The following SCN2A variants were observed in gnomAD, a reference collection of about 807,000 sequenced individuals.
SCN2A encodes the protein sodium voltage-gated channel alpha subunit 2.
A neutral mutation model predicts 188.7 loss-of-function variants in SCN2A; 20 were observed. The observed-to-expected ratio is 0.11, with a 90% CI of 0.07 to 0.15. SCN2A has a LOEUF of 0.15. SCN2A is among the 10% of genes least tolerant of loss of function. SCN2A has a pLI of 1.00. For missense variants in SCN2A, 1,278 were observed against 2,445.0 expected, an observed-to-expected ratio of 0.52 and a Z score of 10.07; for synonymous variants, 804 against 833.1, an observed-to-expected ratio of 0.97 and a Z score of 0.60.
intron 1 of SCN2A, among the ~76,000 whole-genome samples, chr2:165,249,908 T>C (rs1292905750): frequency 6.6e-6 from 1 of 151,972 alleles, no homozygotes; most frequent in African/African-American, 2.4e-5. Context: ...CCTCCATAGA[T>C]TCCAGGATTT....
At chr2:165,296,332 G>A in intron 2 of SCN2A, 2 of 539,268 alleles carry the variant, frequency 3.7e-6, no homozygotes, top group Non-Finnish European at 6.7e-6. Flanking sequence ...GGGAATTAAG[G>A]AAGGACAAAA....
At chr2:165,254,066 A>T (rs1479669273) in intron 1 of SCN2A, among the ~76,000 whole-genome samples, 1 of 151,880 alleles carries the variant, frequency 6.6e-6, no homozygotes, top group East Asian at 1.9e-4. Context: ...CATTTACATC[A>T]ATATCCTTAG....
At chr2:165,363,922 A>C (rs1279171378) in intron 17 of SCN2A, among the ~76,000 whole-genome samples, 1 of 152,158 alleles carries the variant, frequency 6.6e-6, no homozygotes, top group African/African-American at 2.4e-5. Flanking sequence ...TATATCATAC[A>C]TCAATATTTT....
chr2:165,331,544 C>G lies in SCN2A; in HGVS notation c.2364C>G (p.Ser788Arg). Residue 788 changes from serine (S) to arginine (R), a missense_variant, in exon 14 of 27, where the codon AGC (serine) becomes AGG (arginine). By Grantham distance (110) the Ser-to-Arg change is moderately radical. Transcript: ENST00000375437. Reference protein sequence around the residue: ...MEHYPMTEQFSSVLSVGNLVF... With the variant: ...MEHYPMTEQFRSVLSVGNLVF... ...ACTATCCCATGACGGAGCAGTTCAG[C>G]AGTGTACTGTCTGTTGGAAACCTGG... is the stretch of plus-strand genomic sequence containing the variant. 6.2e-7 allele frequency: 1 copy of G among 1,613,322 alleles called. No individual in the cohort carries two copies. Among genetic ancestry groups the G allele is most frequent in the African/African-American group, 1.3e-5 (1 of 75,020 alleles).
intron 14 of SCN2A, among the ~76,000 whole-genome samples, chr2:165,341,698 T>C (rs1405871417): frequency 1.3e-5 from 2 of 152,170 alleles, no homozygotes; most frequent in African/African-American, 4.8e-5. Context: ...ACTGTGCTTC[T>C]CAGATGGGAA....
intron 14 of SCN2A, among the ~76,000 whole-genome samples, chr2:165,333,697 G>T (rs1252216991): frequency 6.6e-6 from 1 of 151,586 alleles, no homozygotes; most frequent in Non-Finnish European, 1.5e-5. Context: ...TAAAATAGGA[G>T]ATTTCCCAAA....
chr2:165,268,808 T>G (rs1174624236), intron 1 of SCN2A: 2 of 151,732 alleles, frequency 1.3e-5, no homozygotes, highest in African/African-American at 4.8e-5. Flanking sequence ...CTCTTCAGCC[T>G]TAACAAAGAA....
At position 165,297,950 on chromosome 2, in the gene SCN2A, A is replaced by G. The variant is rs549328820; in HGVS notation, c.386+815A>G. Among the ~76,000 whole-genome samples the G allele has an allele frequency of 1.2e-4, 18 of 152,290 alleles. No homozygotes were observed. The South Asian group carries it at 3.5e-3, about 30-fold the overall frequency. ...ATTAAATAGAGTAGTTGGAAATGAG[A>G]GATTTTATTCTAGGCCAGAAACAAG... On this transcript the variant is annotated intron_variant, in intron 3 of 26. Transcript: ENST00000375437.
intron 25 of SCN2A, among the ~76,000 whole-genome samples, chr2:165,383,135 A>G (rs17245688): frequency 0.29 from 43,990 of 152,040 alleles, 6,676 homozygotes; most frequent in Middle Eastern, 0.48. Context: ...AATATCGAAC[A>G]GTATGGAGTC....
intron 12 of SCN2A, among the ~76,000 whole-genome samples, chr2:165,324,347 C>A (rs201442035): frequency 6.6e-6 from 1 of 151,936 alleles, no homozygotes; most frequent in Non-Finnish European, 1.5e-5. Flanking sequence ...TTTCACATAG[C>A]TCCATTTATT....
intron 1 of SCN2A, chr2:165,285,612 A>C: frequency 4.0e-6 from 1 of 250,118 alleles, no homozygotes; most frequent in Non-Finnish European, 8.7e-6. Flanking sequence ...AAAAGACTAT[A>C]ACCCTGTGGC....
rs570793009 is a variant in SCN2A at position 165,356,552 on chromosome 2, T to TA, written c.3399+1888dup. 9.2e-5 allele frequency among the ~76,000 whole-genome samples: 14 copies of TA among 152,250 alleles called. No individual in the cohort carries two copies. The East Asian group carries it at 2.1e-3, about 23-fold the overall frequency. On this transcript the variant is annotated intron_variant, in intron 17 of 26. Transcript: ENST00000375437. ...CTAATGGTGAATATTTCCCTAATAG[T>TA]AAAAAAAGTCAATTTTTATTTTCAC...
chr2:165,364,363 A>G (rs1218956365), intron 17 of SCN2A, among the ~76,000 whole-genome samples: 1 of 152,162 alleles, frequency 6.6e-6, no homozygotes, highest in Non-Finnish European at 1.5e-5. Context: ...GCTAAAGTTT[A>G]TTGCATTTCA....
Position 165,370,141 on chromosome 2 carries a change from T to C in SCN2A, c.3691T>C (p.Tyr1231His), listed in dbSNP as rs1298081979. 1 of 1,614,086 alleles carries C rather than the reference T, an allele frequency of 6.2e-7. No homozygotes were observed. The highest frequency in any genetic ancestry group is 8.5e-7 in the Non-Finnish European group (1 of 1,179,932). ...SSGALAFEDI[Y>H]IEQRKTIKTM... ...TGACTTACAGGCCTTTGAAGATATA[T>C]ACATTGAGCAGCGAAAAACCATTAA... The change falls in exon 20 of 27, where the codon TAC becomes CAC. Residue 1231 changes from tyrosine to histidine, a missense_variant. By Grantham distance (83) the Tyr-to-His change is moderately conservative (BLOSUM62 2). Around this residue, in one of 17 missense-constraint regions of SCN2A, gnomAD observed 228 missense variants for 297.3 expected, o/e 0.77. Coordinates refer to ENST00000375437, the MANE Select transcript of SCN2A (RefSeq NM_001040142.2).
At position 165,389,455 on chromosome 2, in the gene SCN2A, C is replaced by T. The variant is rs919503121; in HGVS notation, c.5649C>T (p.Phe1883=). The change falls in exon 27 of 27, where the codon TTC becomes TTT. Residue 1883 remains phenylalanine (F), a synonymous_variant. Transcript: ENST00000375437. The surrounding 1 kb of genome is among the most constrained non-coding windows in gnomAD (Gnocchi z 4.2). ...DALRIQMEER[F]MASNPSKVSY... ...TTCGAATACAGATGGAAGAGCGATT[C>T]ATGGCATCAAACCCCTCCAAAGTCT... 5.6e-6 allele frequency: 9 copies of T among 1,613,828 alleles called. No homozygotes were observed. Among genetic ancestry groups the T allele is most frequent in the Non-Finnish European group, 7.6e-6 (9 of 1,179,980 alleles).
intron 2 of SCN2A, chr2:165,296,441 G>A (rs1696515136): frequency 7.4e-6 from 2 of 271,182 alleles, no homozygotes; most frequent in Admixed American, 1.0e-4. Context: ...TAAACTAGGA[G>A]TCTATTTAAA....
intron 1 of SCN2A, among the ~76,000 whole-genome samples, chr2:165,294,820 T>C (rs1202269723): frequency 6.6e-6 from 1 of 152,168 alleles, no homozygotes; most frequent in Non-Finnish European, 1.5e-5. Context: ...TAAAAATCTA[T>C]TTAGGTTATT....
intron 1 of SCN2A, among the ~76,000 whole-genome samples, chr2:165,247,588 C>T (rs1693903303): frequency 6.6e-6 from 1 of 152,170 alleles, no homozygotes; most frequent in African/African-American, 2.4e-5. Flanking sequence ...TGACTCTTCT[C>T]TTAGCTTATT....
rs1701735518 is a variant in SCN2A, at chr2:165,383,957, TA to T, written c.4551+2763del. Among the ~76,000 whole-genome samples the T allele has an allele frequency of 2.6e-5, 4 of 152,004 alleles. No homozygotes were observed. The South Asian group carries it at 8.3e-4, about 32-fold the overall frequency. On this transcript the variant is annotated intron_variant, in intron 25 of 26. Coordinates refer to ENST00000375437, the MANE Select transcript of SCN2A (RefSeq NM_001040142.2). ...TGATGAATATTTAGAAGTAGCAAAA[TA>T]AAGGTTTCTTAAGATTCAGAGATTA...
Sources: gnomAD v4.1 joint callset for allele counts (sites outside exome capture counted in the v4.1 genomes callset) on GRCh38, gnomAD v4.1.1 for gene constraint, gnomAD v4.1.1 regional missense constraint, Gnocchi (gnomAD v3.1) non-coding constraint, MANE v1.5 for transcripts, NCBI Gene and HGNC (gene_info 2026-07-23, HGNC 2026-07-21) for gene names.